The following ATXN2 variants were observed in gnomAD, a reference collection of about 807,000 sequenced individuals.
The protein encoded by ATXN2 is ataxin-2.
In ATXN2, 37 loss-of-function variants were observed where a neutral mutation model predicts 138.6. The observed-to-expected ratio is 0.27, with a 90% CI of 0.21 to 0.35. The LOEUF is 0.35. ATXN2 is among the 10% of genes least tolerant of loss of function. ATXN2 has a pLI of 1.00. For missense variants in ATXN2, 1,216 were observed against 1,480.3 expected, an observed-to-expected ratio of 0.82 and a Z score of 2.93; for synonymous variants, 549 against 543.7, an observed-to-expected ratio of 1.01 and a Z score of -0.13.
At position 111,514,952 on chromosome 12, in the gene ATXN2, TCA is replaced by T. The variant is rs770289860; in HGVS notation, c.1375+1200_1375+1201del. ...TTAAATCTTAATGTAATAAAGATGT[TCA>T]CAGTCATTAATGATCATGTTTTATT... On this transcript the variant is annotated intron_variant, in intron 10 of 24. Transcript: ENST00000673436. Among the ~76,000 whole-genome samples the T allele has an allele frequency of 1.2e-4, 19 of 152,330 alleles. No individual in the cohort carries two copies. The East Asian group carries it at 1.7e-3, about 14-fold the overall frequency.
intron 18 of ATXN2, among the ~76,000 whole-genome samples, chr12:111,473,782 A>G (rs907594441): frequency 6.6e-6 from 1 of 151,798 alleles, no homozygotes; most frequent in African/African-American, 2.4e-5. Flanking sequence ...AAAAAAACCC[A>G]ATCTGATCAA....
At chr12:111,554,121 C>A in intron 3 of ATXN2, 37 bp downstream of exon 3, 1 of 1,335,534 alleles carries the variant, frequency 7.5e-7, no homozygotes, top group Non-Finnish European at 1.0e-6. Context: ...TTATTCTACC[C>A]CCAAGGCAGT....
chr12:111,573,296 G>A (rs188358555), intron 1 of ATXN2, among the ~76,000 whole-genome samples: 19 of 152,212 alleles, frequency 1.2e-4, no homozygotes, highest in Admixed American at 6.6e-4. Context: ...AGGTTCAAGC[G>A]ATTCTCCTTG....
At position 111,464,735 on chromosome 12, in the gene ATXN2, A is replaced by C; in HGVS notation, c.2843-20T>G. 1 of 1,599,334 alleles carries C rather than the reference A, an allele frequency of 6.3e-7. No individual in the cohort carries two copies. The highest frequency in any genetic ancestry group is 8.6e-7 in the Non-Finnish European group (1 of 1,167,570). Reference sequence around the variant, plus strand: ...GACATGCTGAATTTGGGAAATAGAAAGGTAAATTAGCCTTTTGAGGTGTGC... The same window carrying C: ...GACATGCTGAATTTGGGAAATAGAACGGTAAATTAGCCTTTTGAGGTGTGC... On this transcript the variant is annotated intron_variant, in intron 20 of 24. Transcript: ENST00000673436.
intron 1 of ATXN2, among the ~76,000 whole-genome samples, chr12:111,578,168 G>C (rs1883786720): frequency 6.6e-6 from 1 of 152,130 alleles, no homozygotes; most frequent in South Asian, 2.1e-4. Context: ...CTACACTCCA[G>C]CCTGGGCGAT....
rs1882175367 is a variant in ATXN2, at chr12:111,552,511, C to T, written c.421-81G>A. 2.1e-6 allele frequency: 3 copies of T among 1,434,946 alleles called. No individual in the cohort carries two copies. Among genetic ancestry groups the T allele is most frequent in the Non-Finnish European group, 2.8e-6 (3 of 1,069,696 alleles). 88.9% of individuals were successfully genotyped at this position (1,434,946 alleles called of 1,614,324 possible). ...GGAATTCTTTAGCTCATCAAGGTAC[C>T]AGTTCTTATATGCCTTTGACAAAAA... On this transcript the variant is annotated intron_variant, in intron 4 of 24. Coordinates refer to ENST00000673436, the MANE Select transcript of ATXN2 (RefSeq NM_001372574.1). This position sits in a 1 kb window ranked among gnomAD's most constrained non-coding sequence, Gnocchi z 4.1.
chr12:111,494,950 T>C (rs1219884456), intron 14 of ATXN2, among the ~76,000 whole-genome samples: 2 of 151,864 alleles, frequency 1.3e-5, no homozygotes, highest in Non-Finnish European at 2.9e-5. Flanking sequence ...CACTAATCAG[T>C]AACAACACTG....
At position 111,510,462 on chromosome 12, in the gene ATXN2, A is replaced by G. The variant is rs1301646565; in HGVS notation, c.1679T>C (p.Val560Ala). The G allele has an allele frequency of 1.9e-6, 3 of 1,614,184 alleles. No individual in the cohort carries two copies. Among genetic ancestry groups the G allele is most frequent in the Non-Finnish European group, 2.5e-6 (3 of 1,180,036 alleles). The stretch of plus-strand genomic sequence containing the variant: ...AGATGCAGCTGGAATAGGCATGGCA[A>G]CAGCTTCAGTTGGAATAATACCAGC... Reference protein sequence around the residue: ...PQAGIIPTEAVAMPIPAASPT... With the variant: ...PQAGIIPTEAAAMPIPAASPT... Residue 560 changes from valine to alanine, a missense_variant, in exon 12 of 25, where the codon GTT becomes GCT. By Grantham distance (64) the Val-to-Ala change is moderately conservative. Around this residue, in one of 4 missense-constraint regions of ATXN2, gnomAD observed 215 missense variants for 210.0 expected, o/e 1.02. Coordinates refer to ENST00000673436, the MANE Select transcript of ATXN2 (RefSeq NM_001372574.1).
At chr12:111,457,447 A>T in intron 21 of ATXN2, 88 bp from the exon 22 acceptor site, 1 of 1,426,188 alleles carries the variant, frequency 7.0e-7, no homozygotes, top group Non-Finnish European at 9.5e-7. Context: ...AACTTTCTTG[A>T]TGGTTACAAT....
rs779862167 is a variant in ATXN2 at position 111,519,854 on chromosome 12, C to G, written c.986+25G>C. 9 of 1,613,962 alleles carry G rather than the reference C, an allele frequency of 5.6e-6. No individual in the cohort carries two copies. The Admixed American group carries it at 8.3e-5, about 15-fold the overall frequency. On this transcript the variant is annotated intron_variant, in intron 8 of 24. Transcript: ENST00000673436. ...GACCTTGAGTTGTGTATCCAAAATA[C>G]TGCATCATGATTTCCTTTAAATACC...
At chr12:111,464,335 TTGTGTGTGTGTGTG>T (rs375641693) in intron 21 of ATXN2, among the ~76,000 whole-genome samples, 2 of 105,784 alleles carry the variant, frequency 1.9e-5, no homozygotes, top group African/African-American at 4.4e-5. Flanking sequence ...GTGTGTGTGT[TTGTGTGTGTGTGTG>T]TGTGTGTGTG....
chr12:111,500,276 A>G (rs1299579984), intron 14 of ATXN2, among the ~76,000 whole-genome samples: 1 of 152,260 alleles, frequency 6.6e-6, no homozygotes, highest in African/African-American at 2.4e-5. Context: ...ATTACCATTC[A>G]GCCATAAAAA....
At chr12:111,458,246 G>C (rs1654462184) in intron 21 of ATXN2, 1 of 151,628 alleles carries the variant, frequency 6.6e-6, no homozygotes, top group Admixed American at 6.6e-5. Context: ...TCCTGCCTCA[G>C]CCTCCCGAGT....
At chr12:111,465,724 C>G (rs944636407) in intron 20 of ATXN2, among the ~76,000 whole-genome samples, 4 of 134,900 alleles carry the variant, frequency 3.0e-5, no homozygotes, top group Admixed American at 8.0e-5. Context: ...GAGCTGAGAT[C>G]GCACCGCTGC....
chr12:111,572,280 AACCCCAGCT>A (rs1883366853), intron 1 of ATXN2, among the ~76,000 whole-genome samples: 1 of 151,866 alleles, frequency 6.6e-6, no homozygotes, highest in South Asian at 2.1e-4. Context: ...ACATGCCTAT[AACCCCAGCT>A]ACTTGAGAGG....
At chr12:111,570,759 C>T (rs1458503821) in intron 1 of ATXN2, among the ~76,000 whole-genome samples, 1 of 152,194 alleles carries the variant, frequency 6.6e-6, no homozygotes, top group Non-Finnish European at 1.5e-5. Context: ...TATCTGCATG[C>T]CTGCCTTCTC....
chr12:111,511,474 T>A (rs967785811), intron 11 of ATXN2: 12 of 152,080 alleles, frequency 7.9e-5, no homozygotes, highest in African/African-American at 2.7e-4. Flanking sequence ...TTTTTTTTTT[T>A]TTTGAAATGG....
At position 111,552,190 on chromosome 12, in the gene ATXN2, CT is replaced by C. The variant is rs1882159422; in HGVS notation, c.571+89del. On this transcript the variant is annotated intron_variant, in intron 5 of 24. Coordinates refer to ENST00000673436, the MANE Select transcript of ATXN2 (RefSeq NM_001372574.1). This position sits in a 1 kb window ranked among gnomAD's most constrained non-coding sequence, Gnocchi z 4.1. ...GCCGCCATACCCAGCCCAGATATTT[CT>C]TTAAAAAAAGTTTGTAAGATCACTG... is the stretch of plus-strand genomic sequence containing the variant. 7.2e-7 allele frequency: 1 copy of C among 1,390,156 alleles called. No homozygotes were observed. Among genetic ancestry groups the C allele is most frequent in the Non-Finnish European group, 9.6e-7 (1 of 1,039,074 alleles). The allele number at this position is 1,390,156 out of a possible 1,614,324, so 86.1% of individuals were successfully genotyped here. A position where few individuals can be genotyped will look rare whatever the true frequency, so the allele number is the denominator to read the frequency against.
intron 1 of ATXN2, among the ~76,000 whole-genome samples, chr12:111,582,078 A>G (rs532247167): frequency 6.6e-6 from 1 of 152,284 alleles, no homozygotes; most frequent in African/African-American, 2.4e-5. Flanking sequence ...TCATGGCCTT[A>G]ATTTCAATAC....
Sources: gnomAD v4.1 joint callset for allele counts (sites outside exome capture counted in the v4.1 genomes callset) on GRCh38, gnomAD v4.1.1 for gene constraint, gnomAD v4.1.1 regional missense constraint, Gnocchi (gnomAD v3.1) non-coding constraint, MANE v1.5 for transcripts, NCBI Gene and HGNC (gene_info 2026-07-23, HGNC 2026-07-21) for gene names.